SPAG16: variants seen among roughly 807,000 people sequenced by gnomAD.
SPAG16 encodes sperm associated antigen 16.
In SPAG16, 86 loss-of-function variants were observed where a neutral mutation model predicts 80.4. The observed-to-expected ratio is 1.07, with a 90% CI of 0.90 to 1.28. The LOEUF is 1.28. Ranked by LOEUF, SPAG16 falls within the 50% of genes most tolerant of loss-of-function variation. The pLI, the probability that SPAG16 is intolerant of heterozygous loss-of-function variation, is 0.00. For synonymous variants in SPAG16, 294 were observed against 265.9 expected (o/e 1.11, Z -1.03); for missense variants, 870 against 765.3 (o/e 1.14, Z -1.61).
chr2:213,850,692 T>C (rs2074856797), intron 10 of SPAG16, among the ~76,000 whole-genome samples: 1 of 152,188 alleles, frequency 6.6e-6, no homozygotes, highest in Admixed American at 6.5e-5. Context: ...AATTCTGTTT[T>C]TTTTTTTATG....
chr2:214,121,667 T>C (rs1168932646), intron 14 of SPAG16, among the ~76,000 whole-genome samples: 2 of 151,816 alleles, frequency 1.3e-5, no homozygotes, highest in African/African-American at 4.8e-5. Flanking sequence ...ACATCTCTAA[T>C]CCAAAAATCT....
intron 15 of SPAG16, among the ~76,000 whole-genome samples, chr2:214,335,909 C>A (rs1697260614): frequency 6.6e-6 from 1 of 151,920 alleles, no homozygotes; most frequent in South Asian, 2.1e-4. Flanking sequence ...CAGGTACCCA[C>A]CACCACACCC....
intron 1 of SPAG16, among the ~76,000 whole-genome samples, chr2:213,289,262 A>T (rs1318960651): frequency 1.3e-5 from 2 of 152,244 alleles, no homozygotes; most frequent in African/African-American, 2.4e-5. Flanking sequence ...TCACATGTGG[A>T]GTCCATATCT....
intron 15 of SPAG16, among the ~76,000 whole-genome samples, chr2:214,337,629 T>G (rs999539282): frequency 6.6e-6 from 1 of 152,176 alleles, no homozygotes; most frequent in South Asian, 2.1e-4. Flanking sequence ...ATGGGTATTT[T>G]TTACAGGAAA....
At chr2:213,380,911 T>A (rs1183499485) in intron 9 of SPAG16, among the ~76,000 whole-genome samples, 2 of 152,128 alleles carry the variant, frequency 1.3e-5, no homozygotes, top group Admixed American at 6.5e-5. Context: ...TGGGCCAGAG[T>A]TACCTACCCC....
At chr2:213,396,601 G>T in intron 9 of SPAG16, 1 of 455,018 alleles carries the variant, frequency 2.2e-6, no homozygotes, top group Non-Finnish European at 4.4e-6. Flanking sequence ...CAGTGGACAG[G>T]GAACTCTCAA....
intron 9 of SPAG16, among the ~76,000 whole-genome samples, chr2:213,466,824 T>C (rs2072723986): frequency 6.6e-6 from 1 of 152,176 alleles, no homozygotes; most frequent in African/African-American, 2.4e-5. Flanking sequence ...GACAACACTT[T>C]ACCAAACAGG....
intron 15 of SPAG16, among the ~76,000 whole-genome samples, chr2:214,339,082 C>T (rs1206273133): frequency 6.6e-6 from 1 of 152,094 alleles, no homozygotes; most frequent in African/African-American, 2.4e-5. Context: ...TCAATAGATA[C>T]CCAATCAAAT....
intron 15 of SPAG16, among the ~76,000 whole-genome samples, chr2:214,262,232 A>T (rs149485165): frequency 6.6e-6 from 1 of 152,122 alleles, no homozygotes; most frequent in African/African-American, 2.4e-5. Context: ...GAGAAAACAT[A>T]ATATACCAAG....
intron 10 of SPAG16, among the ~76,000 whole-genome samples, chr2:213,636,117 A>AT (rs1376385213): frequency 6.6e-6 from 1 of 152,006 alleles, no homozygotes; most frequent in East Asian, 1.9e-4. Flanking sequence ...TCTTGAGTTG[A>AT]TTTTTTGTAT....
intron 15 of SPAG16, among the ~76,000 whole-genome samples, chr2:214,351,030 A>G (rs549629041): frequency 1.3e-5 from 2 of 152,252 alleles, no homozygotes; most frequent in Admixed American, 6.5e-5. Flanking sequence ...TAAGCTGGAC[A>G]AGCAGAGAAG....
chr2:213,709,495 A>G (rs1484293252), intron 10 of SPAG16, among the ~76,000 whole-genome samples: 1 of 152,220 alleles, frequency 6.6e-6, no homozygotes, highest in Admixed American at 6.5e-5. Context: ...ATTATGTTTC[A>G]TGTACCTATG....
chr2:213,418,827 G>T (rs2069416683), intron 9 of SPAG16, among the ~76,000 whole-genome samples: 1 of 152,180 alleles, frequency 6.6e-6, no homozygotes, highest in African/African-American at 2.4e-5. Flanking sequence ...TTGTATAGAT[G>T]AGTGGATAGG....
chr2:214,014,074 A>G lies in SPAG16; in HGVS notation c.1524A>G (p.Arg508=). Residue 508 remains arginine, a synonymous_variant, in exon 13 of 16, where the codon AGA becomes AGG. Transcript: ENST00000331683. ...ADKTLSIWDA[R]TGICEQSLYG... is the part of the protein sequence containing the mutation. ...AGACCCTGTCTATATGGGATGCAAG[A>G]ACAGTAAGCAAATCATTCACTTTTT... 3 of 1,612,224 alleles carry G rather than the reference A, an allele frequency of 1.9e-6. No homozygotes were observed. Among genetic ancestry groups the G allele is most frequent in the Non-Finnish European group, 2.5e-6 (3 of 1,179,388 alleles).
chr2:213,391,859 C>G (rs551423777), intron 9 of SPAG16, among the ~76,000 whole-genome samples: 6 of 152,218 alleles, frequency 3.9e-5, no homozygotes, highest in African/African-American at 1.4e-4. Flanking sequence ...TATAGTTTCC[C>G]TGTTTCAGAT....
At chr2:213,538,838 TCTATTATC>T (rs2076337072) in intron 10 of SPAG16, among the ~76,000 whole-genome samples, 1 of 152,118 alleles carries the variant, frequency 6.6e-6, no homozygotes, top group Admixed American at 6.6e-5. Flanking sequence ...TATTTATCTA[TCTATTATC>T]TATCTATCAT....
At chr2:214,295,001 T>G (rs985626244) in intron 15 of SPAG16, among the ~76,000 whole-genome samples, 2 of 152,250 alleles carry the variant, frequency 1.3e-5, no homozygotes, top group African/African-American at 4.8e-5. Context: ...GTATGAGCAC[T>G]TGCTCTAGCC....
At chr2:214,406,285 A>G (rs1452849856) in intron 15 of SPAG16, among the ~76,000 whole-genome samples, 1 of 152,208 alleles carries the variant, frequency 6.6e-6, no homozygotes, top group Non-Finnish European at 1.5e-5. Context: ...AATTCAATAA[A>G]AATTAATGAA....
At chr2:213,718,042 T>G (rs1441758896) in intron 10 of SPAG16, among the ~76,000 whole-genome samples, 1 of 147,870 alleles carries the variant, frequency 6.8e-6, no homozygotes, top group Non-Finnish European at 1.5e-5. Context: ...AAAGAAACTA[T>G]CACCGGAGTT....
Sources: gnomAD v4.1 joint callset for allele counts (sites outside exome capture counted in the v4.1 genomes callset) on GRCh38, gnomAD v4.1.1 for gene constraint, MANE v1.5 for transcripts, NCBI Gene and HGNC (gene_info 2026-07-23, HGNC 2026-07-21) for gene names.